The following DIP2C variants were observed in gnomAD, a reference collection of about 807,000 sequenced individuals.
The protein encoded by DIP2C is disco-interacting protein 2 homolog C.
DIP2C carries 33 observed loss-of-function variants against 192.4 expected under a neutral mutation model. The observed-to-expected ratio is 0.17, with a 90% CI of 0.13 to 0.23. DIP2C has a LOEUF of 0.23. Among genes scored for constraint, DIP2C ranks in the 10% least tolerant of loss-of-function variants. DIP2C has a pLI of 1.00. For synonymous variants in DIP2C, 979 were observed against 864.1 expected, an observed-to-expected ratio of 1.13 and a Z score of -2.33; for missense variants, 1,537 against 2,110.1, an observed-to-expected ratio of 0.73 and a Z score of 5.32.
chr10:537,643 C>T (rs367790207), intron 1 of DIP2C, among the ~76,000 whole-genome samples: 2 of 152,008 alleles, frequency 1.3e-5, no homozygotes, highest in Non-Finnish European at 2.9e-5. Flanking sequence ...CTTGTGTTTC[C>T]CCCATTAACA....
intron 1 of DIP2C, among the ~76,000 whole-genome samples, chr10:596,122 G>A (rs1390062820): frequency 2.0e-5 from 3 of 152,130 alleles, no homozygotes; most frequent in Admixed American, 6.5e-5. Flanking sequence ...AGATTCACGC[G>A]AGAAGTGCTA....
At chr10:670,232 G>GCA (rs1830552803) in intron 1 of DIP2C, among the ~76,000 whole-genome samples, 1 of 142,568 alleles carries the variant, frequency 7.0e-6, no homozygotes, top group Non-Finnish European at 1.5e-5. Context: ...ACGCATGCAT[G>GCA]CACACGCATA....
rs568691845 is a variant in DIP2C, at chr10:595,232, G to A, written c.85+94262C>T. Among the ~76,000 whole-genome samples the A allele has an allele frequency of 1.4e-4, 22 of 152,282 alleles. No individual in the cohort carries two copies. The South Asian group carries it at 4.4e-3, about 30-fold the overall frequency. ...GTACAGCCAACGTCCCCTCACGCAGGTTTACTCACCTGTGACTCGTGGGCC... is the reference window on the plus strand; with the variant it reads ...GTACAGCCAACGTCCCCTCACGCAGATTTACTCACCTGTGACTCGTGGGCC... On this transcript the variant is annotated intron_variant, in intron 1 of 36. Coordinates refer to ENST00000280886, the MANE Select transcript of DIP2C (RefSeq NM_014974.3).
intron 3 of DIP2C, among the ~76,000 whole-genome samples, chr10:469,403 A>AC (rs1970460266): frequency 7.1e-6 from 1 of 141,270 alleles, no homozygotes; most frequent in South Asian, 2.3e-4. Flanking sequence ...GGCAACCTCC[A>AC]CCTCCCGGGT....
intron 1 of DIP2C, among the ~76,000 whole-genome samples, chr10:507,281 G>A (rs929011631): frequency 2.7e-5 from 4 of 150,598 alleles, no homozygotes; most frequent in Admixed American, 6.6e-5. Flanking sequence ...AATCAGAGAC[G>A]TATGAGGTTA....
intron 1 of DIP2C, among the ~76,000 whole-genome samples, chr10:618,831 T>C (rs1395753217): frequency 6.6e-6 from 1 of 152,236 alleles, no homozygotes; most frequent in African/African-American, 2.4e-5. Flanking sequence ...ACGTTCAGGC[T>C]GAAGCCGCAC....
At chr10:669,468 C>G (rs554056862) in intron 1 of DIP2C, 1 of 152,288 alleles carries the variant, frequency 6.6e-6, no homozygotes, top group East Asian at 1.9e-4. Flanking sequence ...TGAACCTGCA[C>G]TCAACACTGG....
chr10:507,701 TGA>T (rs1221761624), intron 1 of DIP2C, among the ~76,000 whole-genome samples: 6 of 152,074 alleles, frequency 3.9e-5, no homozygotes, highest in Admixed American at 2.6e-4. Context: ...TGCGCACAGG[TGA>T]GTTTGTTCCC....
At chr10:396,017 CGGGTACAAG>C (rs1473074211) in intron 10 of DIP2C, among the ~76,000 whole-genome samples, 3 of 152,114 alleles carry the variant, frequency 2.0e-5, no homozygotes, top group Non-Finnish European at 4.4e-5. Context: ...AGCCTCTACT[CGGGTACAAG>C]GGGCTCTCAG....
chr10:628,881 G>A (rs1473734301), intron 1 of DIP2C: 1 of 152,430 alleles, frequency 6.6e-6, no homozygotes, highest in Non-Finnish European at 1.5e-5. Context: ...AGATGCCAGG[G>A]GCACCCCCAG....
chr10:582,109 A>C (rs1037345442), intron 1 of DIP2C, among the ~76,000 whole-genome samples: 5 of 152,092 alleles, frequency 3.3e-5, no homozygotes, highest in African/African-American at 4.8e-5. Flanking sequence ...ATCCAAGAGG[A>C]GGCGGAGCTC....
intron 1 of DIP2C, among the ~76,000 whole-genome samples, chr10:553,628 C>G (rs917714495): frequency 6.6e-6 from 1 of 152,226 alleles, no homozygotes; most frequent in Non-Finnish European, 1.5e-5. Flanking sequence ...AGGATTTAGT[C>G]CATGCCTTCA....
At chr10:508,532 G>T (rs779587058) in intron 1 of DIP2C, among the ~76,000 whole-genome samples, 7 of 152,168 alleles carry the variant, frequency 4.6e-5, no homozygotes, top group Non-Finnish European at 8.8e-5. Flanking sequence ...CCATTGTGCT[G>T]GTTCCGGATT....
chr10:650,156 C>A (rs1394081639), intron 1 of DIP2C: 2 of 717,428 alleles, frequency 2.8e-6, no homozygotes, highest in South Asian at 3.0e-5. Flanking sequence ...AGAGAGAAGA[C>A]CCCAGCAGAG....
chr10:645,338 G>A (rs1855393272), intron 1 of DIP2C, among the ~76,000 whole-genome samples: 1 of 152,168 alleles, frequency 6.6e-6, no homozygotes, highest in African/African-American at 2.4e-5. Context: ...AGGGGGTGTG[G>A]TGTAAGGTGA....
At chr10:394,185 G>GATGCAGAGC (rs1218108025) in intron 10 of DIP2C, among the ~76,000 whole-genome samples, 4 of 152,260 alleles carry the variant, frequency 2.6e-5, no homozygotes, top group Admixed American at 2.6e-4. Flanking sequence ...CCCACGAATG[G>GATGCAGAGC]ATGCAGAGCA....
chr10:367,403 A>C (rs1337936946), intron 18 of DIP2C, among the ~76,000 whole-genome samples: 2 of 151,188 alleles, frequency 1.3e-5, no homozygotes, highest in Non-Finnish European at 2.9e-5. Flanking sequence ...GGCGACAGCG[A>C]GACTCCGTCT....
intron 1 of DIP2C, among the ~76,000 whole-genome samples, chr10:623,380 G>C (rs935274967): frequency 1.3e-5 from 2 of 151,542 alleles, no homozygotes; most frequent in Non-Finnish European, 2.9e-5. Flanking sequence ...ATGGGCACAG[G>C]CGTCTCCCTC....
intron 13 of DIP2C, 96 bp downstream of exon 13, chr10:389,895 G>A (rs187095503): frequency 2.8e-4 from 270 of 972,278 alleles, no homozygotes; most frequent in East Asian, 2.1e-3. Context: ...CAAACTTCAC[G>A]CTATTTCTAT....
Sources: gnomAD v4.1 joint callset for allele counts (sites outside exome capture counted in the v4.1 genomes callset) on GRCh38, gnomAD v4.1.1 for gene constraint, MANE v1.5 for transcripts, NCBI Gene and HGNC (gene_info 2026-07-23, HGNC 2026-07-21) for gene names.